MGAM2: variants seen among roughly 807,000 people sequenced by gnomAD.
The protein encoded by MGAM2 is maltase-glucoamylase 2 (putative).
A neutral mutation model predicts 96.1 loss-of-function variants in MGAM2; 98 were observed. The observed-to-expected ratio is 1.02, with a 90% CI of 0.87 to 1.21. The LOEUF is 1.21. Ranked by LOEUF, MGAM2 falls within the 50% of genes most tolerant of loss-of-function variation. MGAM2 has a pLI of 0.00. For synonymous variants in MGAM2, 749 were observed against 414.8 expected, an observed-to-expected ratio of 1.81 and a Z score of -9.79; for missense variants, 2,055 against 1,182.4, an observed-to-expected ratio of 1.74 and a Z score of -10.82.
intron 17 of MGAM2, among the ~76,000 whole-genome samples, chr7:142,155,064 C>G (rs1456861714): frequency 6.6e-6 from 1 of 152,170 alleles, no homozygotes; most frequent in African/African-American, 2.4e-5. Context: ...TGGAAACTCA[C>G]CAACAAAGTG....
At chr7:142,204,926 C>G (rs989349456) in intron 45 of MGAM2, among the ~76,000 whole-genome samples, 2 of 152,084 alleles carry the variant, frequency 1.3e-5, no homozygotes, top group African/African-American at 4.8e-5. Flanking sequence ...TAAGGGCATA[C>G]TACGGTGCCA....
Position 142,144,900 on chromosome 7 carries a change from A to C in MGAM2, c.1471A>C (p.Asn491His), listed in dbSNP as rs763858267. The C allele has an allele frequency of 5.7e-6, 4 of 702,858 alleles. No individual in the cohort carries two copies. The South Asian group carries it at 5.9e-5, about 10-fold the overall frequency. The allele number at this position is 702,858 out of a possible 1,614,324, so 43.5% of individuals were successfully genotyped here. A position where few individuals can be genotyped will look rare whatever the true frequency, so the allele number is the denominator to read the frequency against. The change falls in exon 14 of 48, where the codon AAC (asparagine) becomes CAC (histidine). Residue 491 changes from asparagine to histidine, a missense_variant. Physicochemically the swap from Asn to His is moderately conservative, Grantham distance 68. Coordinates refer to ENST00000477922, the MANE Select transcript of MGAM2 (RefSeq NM_001293626.2). Reference sequence around the variant, plus strand: ...ATCTAGCTTACTCCAAGCTTCTAATAACCAGTGTGAATCCAACAACTTGAA... The same window carrying C: ...ATCTAGCTTACTCCAAGCTTCTAATCACCAGTGTGAATCCAACAACTTGAA... ...EVSSLLQASN[N>H]QCESNNLNFP...
At chr7:142,187,336 A>C in intron 35 of MGAM2, among the ~76,000 whole-genome samples, 1 of 152,258 alleles carries the variant, frequency 6.6e-6, no homozygotes, top group Non-Finnish European at 1.5e-5. Context: ...CTCTGGCCAT[A>C]GACTAAAAAG....
intron 28 of MGAM2, among the ~76,000 whole-genome samples, 153 bp downstream of exon 28, chr7:142,171,593 G>T (rs1461882378): frequency 1.8e-5 from 2 of 108,810 alleles, no homozygotes; most frequent in Non-Finnish European, 3.6e-5. Flanking sequence ...ACATTCTTTT[G>T]TCCCTAAAAG....
intron 46 of MGAM2, among the ~76,000 whole-genome samples, chr7:142,216,350 G>A (rs1797760016): frequency 6.6e-6 from 1 of 152,052 alleles, no homozygotes; most frequent in South Asian, 2.1e-4. Context: ...TTTAATCTGT[G>A]TTTTTTAAAA....
intron 15 of MGAM2, among the ~76,000 whole-genome samples, chr7:142,150,926 C>G (rs1795559548): frequency 6.6e-6 from 1 of 152,168 alleles, no homozygotes; most frequent in Non-Finnish European, 1.5e-5. Context: ...AGATGGCCTT[C>G]CTTACCCTGT....
chr7:142,143,434 T>C (rs1027857376), intron 12 of MGAM2, among the ~76,000 whole-genome samples: 6 of 152,206 alleles, frequency 3.9e-5, no homozygotes, highest in Non-Finnish European at 7.3e-5. Context: ...TGAAAAAAGT[T>C]CATTCTCTTG....
intron 25 of MGAM2, 105 bp from the exon 26 acceptor site, chr7:142,167,163 A>G: frequency 1.7e-6 from 1 of 596,348 alleles, no homozygotes; most frequent in Non-Finnish European, 3.0e-6. Flanking sequence ...ACCCATAACC[A>G]TGGACATGGT....
chr7:142,217,724 TAAC>T (rs770828069), intron 46 of MGAM2, among the ~76,000 whole-genome samples: 1 of 152,192 alleles, frequency 6.6e-6, no homozygotes. Flanking sequence ...TGATGATAGT[TAAC>T]AACAATTTAT....
chr7:142,186,145 T>G (rs774224214), intron 35 of MGAM2, 22 bp downstream of exon 35: 8 of 85,210 alleles, frequency 9.4e-5, no homozygotes, highest in Non-Finnish European at 1.7e-4. Flanking sequence ...CTTGGTTGTC[T>G]TTTTTTTTTT....
intron 25 of MGAM2, among the ~76,000 whole-genome samples, 161 bp from the exon 26 acceptor site, chr7:142,167,107 G>T (rs1796049617): frequency 6.6e-6 from 1 of 152,106 alleles, no homozygotes; most frequent in African/African-American, 2.4e-5. Flanking sequence ...ACATTTACAG[G>T]TATCAGGGGT....
intron 45 of MGAM2, among the ~76,000 whole-genome samples, chr7:142,201,082 C>CTTTTTTTTTTTTTTT (rs1314170979): frequency 9.2e-6 from 1 of 108,540 alleles, no homozygotes; most frequent in Non-Finnish European, 1.7e-5. Context: ...TTTTTTTTTT[C>CTTTTTTTTTTTTTTT]TTTTTTTTTT....
chr7:142,186,870 G>T (rs1198901566), intron 35 of MGAM2, among the ~76,000 whole-genome samples: 1 of 152,144 alleles, frequency 6.6e-6, no homozygotes, highest in Admixed American at 6.5e-5. Context: ...CATGTGAAAG[G>T]ACACAAATTA....
chr7:142,169,716 GCA>G lies in MGAM2; in HGVS notation c.3028-344_3028-343del, dbSNP rs144134032. ...CAATTCCCTAATTCCTAACATGCATGCACACACACACACACAAATTTACACAT... is the reference window on the plus strand; with the variant it reads ...CAATTCCCTAATTCCTAACATGCATGCACACACACACACAAATTTACACAT... On this transcript the variant is annotated intron_variant, in intron 26 of 47. Transcript: ENST00000477922. Among the ~76,000 whole-genome samples the G allele has an allele frequency of 4.0e-5, 6 of 150,984 alleles. No individual in the cohort carries two copies. The East Asian group carries it at 7.8e-4, about 20-fold the overall frequency.
intron 32 of MGAM2, among the ~76,000 whole-genome samples, chr7:142,180,887 A>G (rs1796517148): frequency 6.6e-6 from 1 of 152,206 alleles, no homozygotes; most frequent in African/African-American, 2.4e-5. Context: ...AGTTGAGTTT[A>G]GGAAGTTCAG....
intron 1 of MGAM2, 76 bp from the exon 2 acceptor site, chr7:142,116,798 A>T: frequency 2.9e-6 from 2 of 692,026 alleles, no homozygotes; most frequent in Non-Finnish European, 5.3e-6. Flanking sequence ...CCACATTTGG[A>T]TACAATGATT....
At chr7:142,212,985 TCTCAGA>T (rs1797637712) in intron 46 of MGAM2, among the ~76,000 whole-genome samples, 1 of 152,126 alleles carries the variant, frequency 6.6e-6, no homozygotes, top group Non-Finnish European at 1.5e-5. Context: ...ACAAAGAGTC[TCTCAGA>T]CCGCAGTGCA....
At chr7:142,156,420 A>G (rs1795739863) in intron 17 of MGAM2, among the ~76,000 whole-genome samples, 1 of 152,250 alleles carries the variant, frequency 6.6e-6, no homozygotes, top group Non-Finnish European at 1.5e-5. Flanking sequence ...GTAAAATGCA[A>G]TTCTACCAAA....
intron 36 of MGAM2, among the ~76,000 whole-genome samples, chr7:142,188,443 A>T (rs1796770557): frequency 6.9e-6 from 1 of 143,896 alleles, no homozygotes; most frequent in Admixed American, 6.8e-5. Context: ...GAGACCCATA[A>T]AAAAAAACAA....
Sources: allele counts gnomAD v4.1 joint callset (sites outside exome capture counted in the v4.1 genomes callset), GRCh38; gene constraint gnomAD v4.1.1; transcripts MANE v1.5; gene names NCBI Gene and HGNC (gene_info 2026-07-23, HGNC 2026-07-21).